Variants in CDYL observed in about 807,000 individuals in gnomAD.
CDYL encodes chromodomain Y like, also known as chromodomain Y-like protein.
A neutral mutation model predicts 47.3 loss-of-function variants in CDYL; 8 were observed. The observed-to-expected ratio is 0.17, with a 90% CI of 0.10 to 0.31. The LOEUF (loss-of-function observed/expected upper bound fraction) is 0.31. Ranked by LOEUF, CDYL falls within the 10% of genes least tolerant of loss-of-function variation. CDYL has a pLI of 1.00. For synonymous variants in CDYL, 266 were observed against 265.0 expected (o/e 1.00, Z -0.04); for missense variants, 471 against 701.4 (o/e 0.67, Z 3.71).
chr6:4,793,191 T>C (rs1758976765), intron 1 of CDYL, among the ~76,000 whole-genome samples: 1 of 152,216 alleles, frequency 6.6e-6, no homozygotes, highest in African/African-American at 2.4e-5. Context: ...TGAGAAACCC[T>C]GTTGAACTGG....
chr6:4,757,391 C>T (rs1234775341), intron 3 of CDYL, among the ~76,000 whole-genome samples: 2 of 152,158 alleles, frequency 1.3e-5, no homozygotes, highest in African/African-American at 4.8e-5. Flanking sequence ...TTTGTTATTT[C>T]TATCATGGCT....
chr6:4,871,644 A>G (rs1323712722), intron 1 of CDYL, among the ~76,000 whole-genome samples: 2 of 152,094 alleles, frequency 1.3e-5, no homozygotes, highest in African/African-American at 4.8e-5. Flanking sequence ...GCAAATATTG[A>G]CTGTGCATCT....
chr6:4,791,846 A>G (rs887337679), intron 1 of CDYL, among the ~76,000 whole-genome samples: 8 of 152,148 alleles, frequency 5.3e-5, no homozygotes, highest in African/African-American at 1.9e-4. Flanking sequence ...GGTATTTAGT[A>G]GAAGATAAAT....
chr6:4,855,973 T>A (rs1398459092), intron 1 of CDYL, among the ~76,000 whole-genome samples: 5 of 152,226 alleles, frequency 3.3e-5, no homozygotes. Flanking sequence ...TCTGGCTAAA[T>A]GCATACCCCA....
At chr6:4,755,454 A>T (rs1417610181) in intron 3 of CDYL, among the ~76,000 whole-genome samples, 4 of 152,124 alleles carry the variant, frequency 2.6e-5, no homozygotes, top group African/African-American at 9.7e-5. Context: ...CTTCATGCTG[A>T]CCTAGGATAA....
intron 2 of CDYL, among the ~76,000 whole-genome samples, chr6:4,903,914 C>T (rs1322361050): frequency 2.6e-5 from 4 of 152,244 alleles, no homozygotes; most frequent in Non-Finnish European, 5.9e-5. Context: ...CTCCATGCCT[C>T]TTCATAGGCA....
At chr6:4,863,857 C>T (rs188341189) in intron 1 of CDYL, among the ~76,000 whole-genome samples, 4 of 152,254 alleles carry the variant, frequency 2.6e-5, no homozygotes, top group East Asian at 1.9e-4. Context: ...GTCTCAAGCA[C>T]GAGAAGGTCC....
chr6:4,783,512 GT>G (rs1195831681), intron 1 of CDYL, among the ~76,000 whole-genome samples: 1 of 151,774 alleles, frequency 6.6e-6, no homozygotes, highest in Non-Finnish European at 1.5e-5. Context: ...TGCCTCACTG[GT>G]TCAAGTGATT....
intron 2 of CDYL, among the ~76,000 whole-genome samples, chr6:4,930,387 C>G (rs781481335): frequency 6.6e-6 from 1 of 152,212 alleles, no homozygotes; most frequent in Non-Finnish European, 1.5e-5. Context: ...TGGGCCTCCC[C>G]CAAGTCATCT....
intron 1 of CDYL, among the ~76,000 whole-genome samples, chr6:4,866,311 G>A (rs373605512): frequency 6.6e-6 from 1 of 151,986 alleles, no homozygotes; most frequent in South Asian, 2.1e-4. Context: ...TCCAAAACAA[G>A]GATACAGTTA....
chr6:4,717,703 C>CAAAAAAAAAAAAAAAAAAAA, intron 2 of CDYL, among the ~76,000 whole-genome samples: 1 of 49,340 alleles, frequency 2.0e-5, no homozygotes, highest in Non-Finnish European at 3.5e-5. Context: ...AAGACCCTCA[C>CAAAAAAAAAAAAAAAAAAAA]AAAAAAAAAA....
At chr6:4,747,420 CTTTCT>C in intron 3 of CDYL, among the ~76,000 whole-genome samples, 1 of 151,922 alleles carries the variant, frequency 6.6e-6, no homozygotes, top group South Asian at 2.1e-4. Context: ...AGAGCATTTC[CTTTCT>C]TTTATTTATT....
At chr6:4,942,456 G>A (rs960056865) in intron 4 of CDYL, among the ~76,000 whole-genome samples, 3 of 152,168 alleles carry the variant, frequency 2.0e-5, no homozygotes, top group Admixed American at 1.3e-4. Flanking sequence ...ATTGTAGAGA[G>A]CATCTAGATT....
intron 1 of CDYL, among the ~76,000 whole-genome samples, chr6:4,820,400 A>G (rs141908404): frequency 4.6e-4 from 70 of 152,174 alleles, no homozygotes; most frequent in Non-Finnish European, 5.1e-4. Flanking sequence ...AAAGTTTTAC[A>G]TATCAGGTTC....
At chr6:4,903,162 G>A (rs955910795) in intron 2 of CDYL, among the ~76,000 whole-genome samples, 1 of 152,178 alleles carries the variant, frequency 6.6e-6, no homozygotes, top group African/African-American at 2.4e-5. Flanking sequence ...GCACCAAGAG[G>A]CACTCCTACA....
rs1194557301 is a variant in CDYL, at chr6:4,720,545, A to G, written c.103+4664A>G. 3.3e-5 allele frequency among the ~76,000 whole-genome samples: 5 copies of G among 152,238 alleles called. 1 individual carries two copies. Among genetic ancestry groups the G allele is most frequent in the Admixed American group, 3.3e-4 (5 of 15,276 alleles). On this transcript the variant is annotated intron_variant, in intron 2 of 8. Coordinates refer to the CDYL transcript ENST00000328908. ...ATAACATTTACTTCATCCATAGAAA[A>G]TGTAAAGATACTACCAAAGGGAGCC...
intron 2 of CDYL, among the ~76,000 whole-genome samples, chr6:4,929,525 C>CACACACACACAT (rs1017452970): frequency 2.7e-5 from 4 of 147,890 alleles, no homozygotes; most frequent in Middle Eastern, 6.8e-3. Context: ...CACACACACA[C>CACACACACACAT]ATACATACAC....
intron 1 of CDYL, among the ~76,000 whole-genome samples, chr6:4,838,244 G>A (rs1377899723): frequency 6.6e-6 from 1 of 151,840 alleles, no homozygotes; most frequent in Non-Finnish European, 1.5e-5. Context: ...TGAGATTTTG[G>A]TGCACCCATC....
intron 1 of CDYL, among the ~76,000 whole-genome samples, chr6:4,788,933 C>A (rs902442836): frequency 6.6e-6 from 1 of 152,042 alleles, no homozygotes; most frequent in African/African-American, 2.4e-5. Context: ...GGCCCTGTCC[C>A]TCAAGGTGAA....
Sources: gnomAD v4.1 joint callset for allele counts (sites outside exome capture counted in the v4.1 genomes callset) on GRCh38, gnomAD v4.1.1 for gene constraint, MANE v1.5 for transcripts, NCBI Gene and HGNC (gene_info 2026-07-23, HGNC 2026-07-21) for gene names.